Variants in AGTR1 observed in about 807,000 individuals in gnomAD.
AGTR1 encodes angiotensin II receptor type 1, also known as type-1 angiotensin II receptor.
Under a neutral mutation model 19.4 loss-of-function variants are expected in AGTR1, and 16 were observed. That is an observed-to-expected ratio of 0.82 (90% confidence interval 0.56 to 1.25). AGTR1 has a LOEUF of 1.25. AGTR1 is among the 50% of genes most tolerant of loss of function. The pLI, the probability that AGTR1 is intolerant of heterozygous loss-of-function variation, is 0.00. For missense variants in AGTR1, 373 were observed against 431.9 expected (o/e 0.86, Z 1.21); for synonymous variants, 153 against 154.9 (o/e 0.99, Z 0.09).
At chr3:148,708,662 C>T (rs904414161) in intron 2 of AGTR1, among the ~76,000 whole-genome samples, 1 of 152,174 alleles carries the variant, frequency 6.6e-6, no homozygotes, top group African/African-American at 2.4e-5. Context: ...TGTTGTGGAG[C>T]TCAGCAGGGT....
intron 2 of AGTR1, among the ~76,000 whole-genome samples, chr3:148,721,270 A>G (rs1399353208): frequency 6.6e-6 from 1 of 152,166 alleles, no homozygotes; most frequent in Non-Finnish European, 1.5e-5. Flanking sequence ...CTAATCATGT[A>G]GACTATAACA....
At chr3:148,740,537 T>C (rs964493532) in intron 2 of AGTR1, among the ~76,000 whole-genome samples, 3 of 152,178 alleles carry the variant, frequency 2.0e-5, no homozygotes, top group Admixed American at 2.0e-4. Flanking sequence ...AGGAAAGAAA[T>C]GGTTTAAAGA....
chr3:148,720,907 A>G (rs980932346), intron 2 of AGTR1, among the ~76,000 whole-genome samples: 10 of 152,334 alleles, frequency 6.6e-5, no homozygotes, highest in Admixed American at 4.6e-4. Flanking sequence ...GAAAAGGATT[A>G]TTTTAAATTA....
At chr3:148,735,611 C>T (rs935990227) in intron 2 of AGTR1, among the ~76,000 whole-genome samples, 1 of 152,086 alleles carries the variant, frequency 6.6e-6, no homozygotes, top group South Asian at 2.1e-4. Flanking sequence ...AAGTAGACTT[C>T]GTAAAATAGG....
At chr3:148,730,098 A>G in intron 2 of AGTR1, 1 of 396,150 alleles carries the variant, frequency 2.5e-6, no homozygotes. Context: ...GTTTCCAACA[A>G]TGTTTTGCAC....
At chr3:148,721,421 A>G (rs1713628065) in intron 2 of AGTR1, among the ~76,000 whole-genome samples, 2 of 152,218 alleles carry the variant, frequency 1.3e-5, no homozygotes, top group African/African-American at 4.8e-5. Flanking sequence ...TCAAATCCAG[A>G]GACTTCTGCT....
At chr3:148,732,901 C>T (rs976116051) in intron 2 of AGTR1, among the ~76,000 whole-genome samples, 13 of 150,756 alleles carry the variant, frequency 8.6e-5, no homozygotes, top group Admixed American at 2.0e-4. Flanking sequence ...CCACTACGCC[C>T]GGCTAATTTT....
At chr3:148,715,397 C>G (rs1487303041) in intron 2 of AGTR1, among the ~76,000 whole-genome samples, 1 of 152,142 alleles carries the variant, frequency 6.6e-6, no homozygotes, top group Admixed American at 6.6e-5. Context: ...CTCCTACCAG[C>G]TTAGGCAGAG....
chr3:148,715,502 T>C (rs1451675152), intron 2 of AGTR1, among the ~76,000 whole-genome samples: 2 of 152,038 alleles, frequency 1.3e-5, no homozygotes, highest in Non-Finnish European at 1.5e-5. Context: ...CTCACCAGCC[T>C]CCATTAGAGA....
intron 2 of AGTR1, among the ~76,000 whole-genome samples, chr3:148,713,830 G>C (rs12721211): frequency 1.3e-5 from 2 of 152,104 alleles, no homozygotes; most frequent in African/African-American, 4.8e-5. Flanking sequence ...ATGGTTTTAC[G>C]TAGGGCAATA....
rs1713340706 is a variant in AGTR1 at position 148,716,996 on chromosome 3, T to C, written c.-48+8969T>C. ...AATAAAAATAAAAATAAATCTCAAG[T>C]CCAACAATGAATCATCTTTGAGACT... On this transcript the variant is annotated intron_variant, in intron 2 of 2. Transcript: ENST00000349243. The surrounding 1 kb of genome is among the most constrained non-coding windows in gnomAD (Gnocchi z 4.7). Among the ~76,000 whole-genome samples the C allele has an allele frequency of 6.6e-6, 1 of 152,144 alleles. No homozygotes were observed. Among genetic ancestry groups the C allele is most frequent in the African/African-American group, 2.4e-5 (1 of 41,432 alleles).
rs2107976649 is a variant in AGTR1, at chr3:148,742,218, A to G, written c.*103A>G. ...AAATGAGCATTAGCTACTTTTCAGA[A>G]TTGAAGGAGAAAATGCATTATGTGG... On this transcript the variant is annotated 3_prime_UTR_variant, in exon 3 of 3. Coordinates refer to ENST00000349243, the MANE Select transcript of AGTR1 (RefSeq NM_000685.5). 6.8e-7 allele frequency: 1 copy of G among 1,480,918 alleles called. No individual in the cohort carries two copies. The highest frequency in any genetic ancestry group is 2.3e-5 in the East Asian group (1 of 44,204). The allele number at this position is 1,480,918 out of a possible 1,614,324, so 91.7% of individuals were successfully genotyped here.
chr3:148,710,825 G>T (rs932811061), intron 2 of AGTR1, among the ~76,000 whole-genome samples: 1 of 152,018 alleles, frequency 6.6e-6, no homozygotes, highest in Non-Finnish European at 1.5e-5. Flanking sequence ...TCCTGCAGGC[G>T]GATCTCTCAT....
rs866964666 is a variant in AGTR1, at chr3:148,736,254, C to T, written c.-47-4735C>T. On this transcript the variant is annotated intron_variant, in intron 2 of 2. Coordinates refer to ENST00000349243, the MANE Select transcript of AGTR1 (RefSeq NM_000685.5). ...CTTACAAAAGCAATTGTAAAATAAA[C>T]GTGGTTTGGCCACAATGAGCCAACA... Among the ~76,000 whole-genome samples, 3 of 152,180 alleles carry T rather than the reference C, an allele frequency of 2.0e-5. No homozygotes were observed. The East Asian group carries it at 5.8e-4, about 29-fold the overall frequency.
chr3:148,736,152 A>G (rs1714558254), intron 2 of AGTR1, among the ~76,000 whole-genome samples: 1 of 152,216 alleles, frequency 6.6e-6, no homozygotes, highest in Non-Finnish European at 1.5e-5. Flanking sequence ...AAGCATTCTT[A>G]GAATAAAAAA....
At chr3:148,740,292 T>C (rs1714797441) in intron 2 of AGTR1, among the ~76,000 whole-genome samples, 1 of 152,182 alleles carries the variant, frequency 6.6e-6, no homozygotes, top group African/African-American at 2.4e-5. Flanking sequence ...GTATGAAGGT[T>C]AGAAGATTCA....
Position 148,741,822 on chromosome 3 carries a change from G to T in AGTR1, c.787G>T (p.Asp263Tyr). 1 of 1,613,466 alleles carries T rather than the reference G, an allele frequency of 6.2e-7. No homozygotes were observed. Residue 263 changes from aspartate to tyrosine, a missense_variant, in exon 3 of 3, where the codon GAT becomes TAT. Coordinates refer to ENST00000349243, the MANE Select transcript of AGTR1 (RefSeq NM_000685.5). Reference sequence around the variant, plus strand: ...TCCCCACCAAATATTCACTTTTCTGGATGTATTGATTCAACTAGGCATCAT... The same window carrying T: ...TCCCCACCAAATATTCACTTTTCTGTATGTATTGATTCAACTAGGCATCAT... ...WIPHQIFTFL[D>Y]VLIQLGIIRD...
rs1356954290 is a variant in AGTR1, at chr3:148,736,914, T to C, written c.-47-4075T>C. Among the ~76,000 whole-genome samples the C allele has an allele frequency of 2.0e-5, 3 of 152,218 alleles. No homozygotes were observed. The East Asian group carries it at 5.8e-4, about 29-fold the overall frequency. Reference sequence around the variant, plus strand: ...AACTCTTCTGGGAAAAGAAGCAGGATGTGACTGAAACATAGCTGCTTTCTA... The same window carrying C: ...AACTCTTCTGGGAAAAGAAGCAGGACGTGACTGAAACATAGCTGCTTTCTA... On this transcript the variant is annotated intron_variant, in intron 2 of 2. Transcript: ENST00000349243.
chr3:148,713,529 A>T (rs965931004), intron 2 of AGTR1, among the ~76,000 whole-genome samples: 5 of 152,166 alleles, frequency 3.3e-5, no homozygotes, highest in Non-Finnish European at 5.9e-5. Flanking sequence ...GATGCCGAGG[A>T]CCCAAGAGGA....
Sources: allele counts gnomAD v4.1 joint callset (sites outside exome capture counted in the v4.1 genomes callset), GRCh38; gene constraint gnomAD v4.1.1; non-coding constraint Gnocchi (gnomAD v3.1); transcripts MANE v1.5; gene names NCBI Gene and HGNC (gene_info 2026-07-23, HGNC 2026-07-21).